RPTOR: variants seen among roughly 807,000 people sequenced by gnomAD.
RPTOR encodes regulatory associated protein of MTOR complex 1.
A neutral mutation model predicts 169.9 loss-of-function variants in RPTOR; 21 were observed. That is an observed-to-expected ratio of 0.12 (90% CI 0.09 to 0.18). The LOEUF (loss-of-function observed/expected upper bound fraction) is 0.18. Among genes scored for constraint, RPTOR ranks in the 10% least tolerant of loss-of-function variants. The probability of loss-of-function intolerance (pLI) is 1.00; values close to 1 mark genes in which losing one functional copy is unlikely to be tolerated. For synonymous variants in RPTOR, 732 were observed against 753.2 expected (o/e 0.97, Z 0.46); for missense variants, 1,133 against 1,855.9 (o/e 0.61, Z 7.16).
chr17:80,724,354 A>G (rs1457390877), intron 4 of RPTOR, among the ~76,000 whole-genome samples: 1 of 151,148 alleles, frequency 6.6e-6, no homozygotes, highest in Non-Finnish European at 1.5e-5. Context: ...CCTCATGTTT[A>G]CTGCCTGGCA....
chr17:80,701,582 T>C (rs2066101287), intron 3 of RPTOR, among the ~76,000 whole-genome samples: 1 of 152,168 alleles, frequency 6.6e-6, no homozygotes, highest in African/African-American at 2.4e-5. Flanking sequence ...AAACTTTCAC[T>C]AGACCCCAGA....
At chr17:80,768,211 T>G (rs2066807256) in intron 6 of RPTOR, among the ~76,000 whole-genome samples, 1 of 152,178 alleles carries the variant, frequency 6.6e-6, no homozygotes, top group African/African-American at 2.4e-5. Context: ...TTGGTTCACG[T>G]TGGGACTTAC....
rs62069366 is a variant in RPTOR at position 80,743,911 on chromosome 17, C to T, written c.655-10099C>T. 4.6e-3 allele frequency among the ~76,000 whole-genome samples: 225 copies of T among 48,564 alleles called. 20 individuals carry two copies. Among genetic ancestry groups the T allele is most frequent in the African/African-American group, 0.017 (138 of 7,894 alleles). The allele number at this position is 48,564 out of a possible 152,430, so 31.9% of individuals were successfully genotyped here. On this transcript the variant is annotated intron_variant, in intron 5 of 33. Coordinates refer to ENST00000306801, the MANE Select transcript of RPTOR (RefSeq NM_020761.3). Reference sequence around the variant, plus strand: ...AGCACTGTCCTGGTTACGAGCACAGCCCTGGTTACTAGCAGAGCCCTGGTT... The same window carrying T: ...AGCACTGTCCTGGTTACGAGCACAGTCCTGGTTACTAGCAGAGCCCTGGTT...
chr17:80,680,796 A>T (rs1343198734), intron 3 of RPTOR, among the ~76,000 whole-genome samples: 1 of 152,124 alleles, frequency 6.6e-6, no homozygotes, highest in Non-Finnish European at 1.5e-5. Flanking sequence ...GCTCCTTTGC[A>T]AGTGGTCCTG....
Position 80,730,837 on chromosome 17 carries a change from G to A in RPTOR, c.654+131G>A. The A allele has an allele frequency of 3.3e-6, 3 of 913,610 alleles. No individual in the cohort carries two copies. Among genetic ancestry groups the A allele is most frequent in the Non-Finnish European group, 5.1e-6 (3 of 592,358 alleles). The allele number at this position is 913,610 out of a possible 1,614,324, so 56.6% of individuals were successfully genotyped here. ...AGCAGGGCTCAGAATGCCAAGGGCA[G>A]GATGGCATATTCAATGCTGTTGAGC... On this transcript the variant is annotated intron_variant, in intron 5 of 33. Transcript: ENST00000306801. The surrounding 1 kb of genome is among the most constrained non-coding windows in gnomAD (Gnocchi z 4.2).
intron 3 of RPTOR, among the ~76,000 whole-genome samples, chr17:80,676,599 T>C (rs2065862863): frequency 6.6e-6 from 1 of 152,232 alleles, no homozygotes; most frequent in African/African-American, 2.4e-5. Context: ...TGCCAGCATC[T>C]GGAGGGGTCT....
chr17:80,907,327 T>A (rs1345363139), intron 20 of RPTOR, among the ~76,000 whole-genome samples: 1 of 152,246 alleles, frequency 6.6e-6, no homozygotes, highest in Non-Finnish European at 1.5e-5. Context: ...CCTTTTCAGC[T>A]CCCAGCACTG....
intron 6 of RPTOR, among the ~76,000 whole-genome samples, chr17:80,760,626 C>T (rs1340467049): frequency 1.3e-5 from 2 of 151,428 alleles, no homozygotes; most frequent in Admixed American, 6.6e-5. Context: ...TTTAAGGAAA[C>T]AGGCAGTTGG....
At position 80,724,082 on chromosome 17, in the gene RPTOR, G is replaced by C. The variant is rs890590743; in HGVS notation, c.508-6478G>C. Reference sequence around the variant, plus strand: ...TATAAATCAGTGGAGTAAAGGATGAGAAATGGGAAGGTATGAGAAGATTAA... The same window carrying C: ...TATAAATCAGTGGAGTAAAGGATGACAAATGGGAAGGTATGAGAAGATTAA... On this transcript the variant is annotated intron_variant, in intron 4 of 33. Coordinates refer to ENST00000306801, the MANE Select transcript of RPTOR (RefSeq NM_020761.3). Among the ~76,000 whole-genome samples, 8 of 151,360 alleles carry C rather than the reference G, an allele frequency of 5.3e-5. 2 individuals are homozygous for C. Among genetic ancestry groups the C allele is most frequent in the African/African-American group, 2.0e-4 (8 of 40,610 alleles).
rs1212704134 is a variant in RPTOR, at chr17:80,960,220, TC to T, written c.3605+17del. On this transcript the variant is annotated intron_variant, in intron 30 of 33. Transcript: ENST00000306801. This position sits in a 1 kb window ranked among gnomAD's most constrained non-coding sequence, Gnocchi z 4.8. Reference sequence around the variant, plus strand: ...CTCAGCGAATGGTACCTTGACCCTGTCCTCTCCCTCCCCGAGTGCTGGCAGG... The same window carrying T: ...CTCAGCGAATGGTACCTTGACCCTGTCTCTCCCTCCCCGAGTGCTGGCAGG... 1 of 1,612,934 alleles carries T rather than the reference TC, an allele frequency of 6.2e-7. No individual in the cohort carries two copies. The highest frequency in any genetic ancestry group is 8.5e-7 in the Non-Finnish European group (1 of 1,179,782).
At chr17:80,577,180 C>T (rs1436756999) in intron 1 of RPTOR, among the ~76,000 whole-genome samples, 1 of 152,078 alleles carries the variant, frequency 6.6e-6, no homozygotes, top group African/African-American at 2.4e-5. Context: ...TACAGGCATG[C>T]ACCACCATGT....
At chr17:80,621,751 G>C (rs544783945) in intron 1 of RPTOR, among the ~76,000 whole-genome samples, 2 of 152,344 alleles carry the variant, frequency 1.3e-5, no homozygotes, top group African/African-American at 4.8e-5. Flanking sequence ...CCGAAGTGCT[G>C]GGACTGAGTC....
At position 80,860,609 on chromosome 17, in the gene RPTOR, G is replaced by A. The variant is rs1598359043; in HGVS notation, c.1509+2709G>A. 1.3e-5 allele frequency among the ~76,000 whole-genome samples: 2 copies of A among 152,046 alleles called. No individual in the cohort carries two copies. The highest frequency in any genetic ancestry group is 2.4e-5 in the African/African-American group (1 of 41,394). On this transcript the variant is annotated intron_variant, in intron 13 of 33. Coordinates refer to ENST00000306801, the MANE Select transcript of RPTOR (RefSeq NM_020761.3). The surrounding 1 kb of genome is among the most constrained non-coding windows in gnomAD (Gnocchi z 5.8). ...TGGGGAGGCTGCTGCCGAAGCGGAC[G>A]GTGAGGGCTTCCACCTTGGAGGCAG...
intron 9 of RPTOR, among the ~76,000 whole-genome samples, chr17:80,826,575 G>A (rs1567933728): frequency 6.6e-6 from 1 of 152,250 alleles, no homozygotes; most frequent in Admixed American, 6.5e-5. Context: ...TCACAGCGGC[G>A]ATGCCCTTAA....
intron 1 of RPTOR, among the ~76,000 whole-genome samples, chr17:80,603,183 C>T (rs2065203266): frequency 6.6e-6 from 1 of 152,158 alleles, no homozygotes; most frequent in Admixed American, 6.6e-5. Flanking sequence ...GACAATGTAA[C>T]CTGTAGACTT....
chr17:80,806,268 A>G (rs1024727151), intron 7 of RPTOR, among the ~76,000 whole-genome samples: 7 of 152,204 alleles, frequency 4.6e-5, no homozygotes, highest in Admixed American at 2.0e-4. Context: ...CTTTAAGTCA[A>G]TGTTTTTCAA....
At chr17:80,583,054 C>T (rs1360038762) in intron 1 of RPTOR, among the ~76,000 whole-genome samples, 1 of 147,236 alleles carries the variant, frequency 6.8e-6, no homozygotes, top group South Asian at 2.2e-4. Flanking sequence ...TAGCTGGGAC[C>T]CCAGGCATGC....
intron 7 of RPTOR, among the ~76,000 whole-genome samples, chr17:80,795,564 T>TA (rs2067093034): frequency 7.5e-6 from 1 of 133,838 alleles, no homozygotes; most frequent in Admixed American, 7.3e-5. Flanking sequence ...TAAAGGTTTA[T>TA]TTTTTTTTTT....
Position 80,708,890 on chromosome 17 carries a change from CT to C in RPTOR, c.507+892del, listed in dbSNP as rs745766177. On this transcript the variant is annotated intron_variant, in intron 4 of 33. Coordinates refer to ENST00000306801, the MANE Select transcript of RPTOR (RefSeq NM_020761.3). The surrounding 1 kb of genome is among the most constrained non-coding windows in gnomAD (Gnocchi z 4.2). Reference sequence around the variant, plus strand: ...TCCCAGTTTCGGTTGTGCTGTCAGCCTCCTGGGCTTCTGCTTCCTTAGTGTG... The same window carrying C: ...TCCCAGTTTCGGTTGTGCTGTCAGCCCCTGGGCTTCTGCTTCCTTAGTGTG... 7 of 981,600 alleles carry C rather than the reference CT, an allele frequency of 7.1e-6. No homozygotes were observed. Among genetic ancestry groups the C allele is most frequent in the Non-Finnish European group, 8.5e-6 (7 of 826,108 alleles). The allele number at this position is 981,600 out of a possible 1,614,324, so 60.8% of individuals were successfully genotyped here. A position where few individuals can be genotyped will look rare whatever the true frequency, so the allele number is the denominator to read the frequency against.
Sources: gnomAD v4.1 joint callset for allele counts (sites outside exome capture counted in the v4.1 genomes callset) on GRCh38, gnomAD v4.1.1 for gene constraint, Gnocchi (gnomAD v3.1) non-coding constraint, MANE v1.5 for transcripts, NCBI Gene and HGNC (gene_info 2026-07-23, HGNC 2026-07-21) for gene names.